Variants in RELN observed in about 807,000 individuals in gnomAD.
The protein encoded by RELN is reelin.
A neutral mutation model predicts 427.6 loss-of-function variants in RELN; 108 were observed. The ratio of observed to expected loss-of-function variants is 0.25; its 90% CI spans 0.22 to 0.30. RELN has a LOEUF of 0.30. RELN is among the 10% of genes least tolerant of loss of function. The pLI, the probability that RELN is intolerant of heterozygous loss-of-function variation, is 1.00. For missense variants in RELN, 3,715 were observed against 4,302.8 expected (o/e 0.86, Z 3.82); for synonymous variants, 1,524 against 1,513.4 (o/e 1.01, Z -0.16).
chr7:103,602,081 T>C (rs368846726), intron 24 of RELN, among the ~76,000 whole-genome samples: 1 of 152,180 alleles, frequency 6.6e-6, no homozygotes. Flanking sequence ...TATTCCTCCT[T>C]CTTCCAATCA....
At chr7:103,859,132 T>C (rs969760969) in intron 2 of RELN, among the ~76,000 whole-genome samples, 3 of 152,126 alleles carry the variant, frequency 2.0e-5, no homozygotes, top group Admixed American at 2.0e-4. Context: ...GAATAATACA[T>C]ACATTATCAG....
In RELN at chr7:103,539,470, G is replaced by A. The variant is rs1830129447; in HGVS notation, c.6931-143C>T. 7.7e-6 allele frequency: 6 copies of A among 774,294 alleles called. No homozygotes were observed. In the South Asian group the frequency reaches 1.0e-4, roughly 13 times the overall value. 48.0% of individuals were successfully genotyped at this position (774,294 alleles called of 1,614,324 possible). On this transcript the variant is annotated intron_variant, in intron 44 of 64. Coordinates refer to ENST00000428762, the MANE Select transcript of RELN (RefSeq NM_005045.4). The stretch of plus-strand genomic sequence containing the variant: ...ACTGGACGGCCAGCAGAATGTGAGG[G>A]GCCTTTCAGAATGCTCTTGTTTATG...
intron 1 of RELN, among the ~76,000 whole-genome samples, chr7:103,941,090 C>A (rs1289626266): frequency 6.6e-6 from 1 of 152,148 alleles, no homozygotes; most frequent in Non-Finnish European, 1.5e-5. Context: ...TCCCTTCCTG[C>A]CCCCTCACCA....
chr7:103,813,764 G>A (rs897357655), intron 3 of RELN, among the ~76,000 whole-genome samples: 1 of 152,084 alleles, frequency 6.6e-6, no homozygotes, highest in Non-Finnish European at 1.5e-5. Context: ...AAAGCTTGAA[G>A]ATTTTTCTCT....
chr7:103,560,244 G>T (rs564151232), intron 36 of RELN, among the ~76,000 whole-genome samples: 2 of 152,226 alleles, frequency 1.3e-5, no homozygotes, highest in African/African-American at 2.4e-5. Context: ...ATAGTAGATA[G>T]TATTCCTGAA....
intron 2 of RELN, among the ~76,000 whole-genome samples, chr7:103,853,815 T>C (rs1376050946): frequency 6.6e-6 from 1 of 152,038 alleles, no homozygotes. Context: ...TATACATGCA[T>C]GATAAAAAAG....
chr7:103,742,042 C>T (rs546381577), intron 6 of RELN, among the ~76,000 whole-genome samples: 71 of 152,244 alleles, frequency 4.7e-4, no homozygotes, highest in Admixed American at 1.0e-3. Flanking sequence ...ACACCGCACA[C>T]GGCCAGGTAC....
At chr7:103,789,980 T>C (rs1417136612) in intron 3 of RELN, among the ~76,000 whole-genome samples, 1 of 152,156 alleles carries the variant, frequency 6.6e-6, no homozygotes, top group Non-Finnish European at 1.5e-5. Flanking sequence ...GTGGGACATA[T>C]ACACCACACA....
intron 51 of RELN, 147 bp downstream of exon 51, chr7:103,510,704 A>T (rs1829378575): frequency 4.4e-6 from 3 of 677,604 alleles, no homozygotes; most frequent in Non-Finnish European, 2.6e-6. Flanking sequence ...AGCAATGTAT[A>T]GTTGAGTTGT....
At chr7:103,919,775 T>A (rs1458077190) in intron 1 of RELN, among the ~76,000 whole-genome samples, 2 of 152,210 alleles carry the variant, frequency 1.3e-5, no homozygotes, top group Non-Finnish European at 2.9e-5. Flanking sequence ...CCTGGTGCCA[T>A]CCAGGCAATT....
At chr7:103,668,378 C>T (rs1205175593) in intron 11 of RELN, among the ~76,000 whole-genome samples, 4 of 152,084 alleles carry the variant, frequency 2.6e-5, no homozygotes, top group Non-Finnish European at 4.4e-5. Context: ...TCTTTAATTT[C>T]TTGCCATGTC....
Position 103,970,440 on chromosome 7 carries a change from C to T in RELN, c.226+18691G>A, listed in dbSNP as rs183172813. On this transcript the variant is annotated intron_variant, in intron 1 of 64. Transcript: ENST00000428762. ...GATTACAGGCATGAGCCACCACTCCCGGCCTCTCATTATTTATTTAGTGCT... is the reference window on the plus strand; with the variant it reads ...GATTACAGGCATGAGCCACCACTCCTGGCCTCTCATTATTTATTTAGTGCT... Among the ~76,000 whole-genome samples the T allele has an allele frequency of 5.6e-4, 85 of 152,166 alleles. 1 individual carries two copies. Among genetic ancestry groups the T allele is most frequent in the South Asian group, 1.9e-3 (9 of 4,814 alleles).
intron 1 of RELN, among the ~76,000 whole-genome samples, chr7:103,961,965 G>C (rs1796566039): frequency 6.6e-6 from 1 of 152,076 alleles, no homozygotes; most frequent in Non-Finnish European, 1.5e-5. Flanking sequence ...ATAAGCTCTT[G>C]TTTTAAAAGT....
At chr7:103,562,713 T>A (rs925795588) in intron 34 of RELN, among the ~76,000 whole-genome samples, 1 of 152,200 alleles carries the variant, frequency 6.6e-6, no homozygotes, top group Non-Finnish European at 1.5e-5. Context: ...TAGAACTGTT[T>A]CCCCTACACA....
Position 103,811,412 on chromosome 7 carries a change from G to C in RELN, c.473+22125C>G, listed in dbSNP as rs530557700. Among the ~76,000 whole-genome samples the C allele has an allele frequency of 8.5e-5, 13 of 152,272 alleles. No individual in the cohort carries two copies. In the East Asian group the frequency reaches 2.5e-3, roughly 29 times the overall value. The stretch of plus-strand genomic sequence containing the variant: ...CTAACTCACACCCACATGAGAGATT[G>C]GTGCATCTTATGAATTAAACATAAG... On this transcript the variant is annotated intron_variant, in intron 3 of 64. Transcript: ENST00000428762.
At chr7:103,556,886 C>G in intron 38 of RELN, 91 bp downstream of exon 38, 1 of 1,029,722 alleles carries the variant, frequency 9.7e-7, no homozygotes, top group Non-Finnish European at 1.5e-6. Context: ...CTAAGCTGCT[C>G]AGTTGACAAA....
intron 1 of RELN, among the ~76,000 whole-genome samples, chr7:103,980,541 T>G (rs776666868): frequency 3.9e-5 from 6 of 152,212 alleles, no homozygotes; most frequent in Non-Finnish European, 8.8e-5. Context: ...TTTTGAAAAA[T>G]AAATGCGTAC....
At chr7:103,502,083 T>C (rs950009244) in intron 52 of RELN, among the ~76,000 whole-genome samples, 16 of 152,214 alleles carry the variant, frequency 1.1e-4, no homozygotes, top group African/African-American at 3.9e-4. Context: ...ACCGTTCAAC[T>C]TACAAATCAA....
At chr7:103,511,309 A>G (rs1361264891) in intron 50 of RELN, among the ~76,000 whole-genome samples, 1 of 152,204 alleles carries the variant, frequency 6.6e-6, no homozygotes, top group African/African-American at 2.4e-5. Context: ...TTTTTGACAG[A>G]TATTTAACTT....
Sources: gnomAD v4.1 joint callset for allele counts (sites outside exome capture counted in the v4.1 genomes callset) on GRCh38, gnomAD v4.1.1 for gene constraint, MANE v1.5 for transcripts, NCBI Gene and HGNC (gene_info 2026-07-23, HGNC 2026-07-21) for gene names.